PALM2AKAP2: variants seen among roughly 807,000 people sequenced by gnomAD.
PALM2AKAP2 encodes PALM2 and AKAP2 fusion, also known as PALM2-AKAP2 fusion protein.
Under a neutral mutation model 71.5 loss-of-function variants are expected in PALM2AKAP2, and 37 were observed. That is an observed-to-expected ratio of 0.52 (90% CI 0.40 to 0.68). The LOEUF (loss-of-function observed/expected upper bound fraction) is 0.68. PALM2AKAP2 is among the 30% of genes least tolerant of loss of function. The pLI, the probability that PALM2AKAP2 is intolerant of heterozygous loss-of-function variation, is 0.00. For synonymous variants in PALM2AKAP2, 468 were observed against 478.8 expected (o/e 0.98, Z 0.29); for missense variants, 1,224 against 1,191.8 (o/e 1.03, Z -0.40).
chr9:109,765,477 C>G (rs201383584), intron 1 of PALM2AKAP2: 7 of 3,572 alleles, frequency 2.0e-3, no homozygotes, highest in East Asian at 6.0e-3. Flanking sequence ...TGATCATGAT[C>G]ATCATCATCA....
At position 110,088,016 on chromosome 9, in the gene PALM2AKAP2, T is replaced by C. The variant is rs186093254; in HGVS notation, c.156+39161T>C. ...AAAGAGCTGTTCAAATTGTTATCAG[T>C]GGAGGGTGTCCAGGTTCTTGGCATC... On this transcript the variant is annotated intron_variant, in intron 1 of 3. Coordinates refer to ENST00000374525, the Ensembl canonical transcript of PALM2AKAP2. Among the ~76,000 whole-genome samples the C allele has an allele frequency of 2.9e-3, 446 of 152,272 alleles. 8 individuals are homozygous for C. The highest frequency in any genetic ancestry group is 6.8e-4 in the Non-Finnish European group (46 of 68,018).
chr9:109,740,835 G>A (rs1828705856), intron 1 of PALM2AKAP2, among the ~76,000 whole-genome samples: 2 of 152,094 alleles, frequency 1.3e-5, no homozygotes, highest in African/African-American at 2.4e-5. Context: ...GGTATTTTTG[G>A]TAGAGACGGG....
At chr9:110,137,566 C>T (rs1041578779) in exon 2 of PALM2AKAP2, 2 of 1,614,186 alleles carry the variant, frequency 1.2e-6, no homozygotes, top group Non-Finnish European at 1.7e-6. Context: ...CCCGGGCTGT[C>T]CTCACTGTGG....
chr9:110,107,590 AGTG>A (rs1431455385), intron 1 of PALM2AKAP2, among the ~76,000 whole-genome samples: 128 of 152,268 alleles, frequency 8.4e-4, no homozygotes, highest in African/African-American at 3.0e-3. Flanking sequence ...GTGGGGAGAC[AGTG>A]TCTCACTCTG....
intron 1 of PALM2AKAP2, among the ~76,000 whole-genome samples, chr9:110,122,663 T>C (rs7875398): frequency 0.048 from 7,364 of 152,272 alleles, 632 homozygotes; most frequent in African/African-American, 0.17. Flanking sequence ...GTATCAATTG[T>C]CTTTAAACCC....
At chr9:110,025,721 A>G (rs1833167928) in intron 7 of PALM2AKAP2, among the ~76,000 whole-genome samples, 1 of 152,226 alleles carries the variant, frequency 6.6e-6, no homozygotes, top group Non-Finnish European at 1.5e-5. Flanking sequence ...TCTTTTGATT[A>G]TAACCATCCT....
At chr9:109,717,517 G>A (rs1828343285) in intron 1 of PALM2AKAP2, among the ~76,000 whole-genome samples, 1 of 152,216 alleles carries the variant, frequency 6.6e-6, no homozygotes, top group Admixed American at 6.5e-5. Flanking sequence ...AACAGTTGGA[G>A]AGGCAAGACT....
At chr9:110,017,028 A>T (rs547067110) in intron 7 of PALM2AKAP2, among the ~76,000 whole-genome samples, 43 of 152,062 alleles carry the variant, frequency 2.8e-4, no homozygotes, top group African/African-American at 9.4e-4. Context: ...TACAGGCGCC[A>T]GCCACCGTGC....
At chr9:109,786,676 G>A (rs2118840383) in intron 1 of PALM2AKAP2, among the ~76,000 whole-genome samples, 1 of 152,232 alleles carries the variant, frequency 6.6e-6, no homozygotes, top group South Asian at 2.1e-4. Context: ...GCATGCATAA[G>A]GGTCACACAC....
chr9:109,831,201 C>G (rs904057884), intron 1 of PALM2AKAP2, among the ~76,000 whole-genome samples: 15 of 151,350 alleles, frequency 9.9e-5, no homozygotes, highest in African/African-American at 3.6e-4. Flanking sequence ...ATAGGGCACA[C>G]GTATTCTCCC....
intron 1 of PALM2AKAP2, among the ~76,000 whole-genome samples, chr9:109,734,713 A>T (rs951141968): frequency 6.6e-6 from 1 of 152,196 alleles, no homozygotes; most frequent in Non-Finnish European, 1.5e-5. Flanking sequence ...ATGTGTTAGA[A>T]CCAATTAGCT....
chr9:109,819,669 A>C (rs1412924433), intron 1 of PALM2AKAP2, among the ~76,000 whole-genome samples: 3 of 151,634 alleles, frequency 2.0e-5, no homozygotes, highest in Non-Finnish European at 4.4e-5. Flanking sequence ...GAACACACAC[A>C]CACGTAAATA....
In PALM2AKAP2 at chr9:109,880,550, G is replaced by A; in HGVS notation, c.127-1G>A. The A allele has an allele frequency of 6.2e-7, 1 of 1,612,572 alleles. No homozygotes were observed. Among genetic ancestry groups the A allele is most frequent in the Non-Finnish European group, 8.5e-7 (1 of 1,179,924 alleles). ...TCTGTTGTCTTCCCTCACTTCCACA[G>A]TCCAAAGTGCTTCGGGAGAAATGGC... On this transcript the variant is annotated splice_acceptor_variant, in intron 2 of 9. Coordinates refer to the PALM2AKAP2 transcript ENST00000302798. LOFTEE classifies it high-confidence loss of function.
At chr9:109,939,860 G>C (rs994673768) in intron 6 of PALM2AKAP2, among the ~76,000 whole-genome samples, 1 of 152,206 alleles carries the variant, frequency 6.6e-6, no homozygotes, top group Non-Finnish European at 1.5e-5. Context: ...TCTTTATGCT[G>C]AACAAGTGAA....
Position 109,943,564 on chromosome 9 carries a change from C to G in PALM2AKAP2, c.496+11536C>G, listed in dbSNP as rs1831428330. Reference sequence around the variant, plus strand: ...TTGCAGTTGAATTGCTTTGATCTCTCTCATTTTTTTTCCTTTTCCTCACCT... The same window carrying G: ...TTGCAGTTGAATTGCTTTGATCTCTGTCATTTTTTTTCCTTTTCCTCACCT... On this transcript the variant is annotated intron_variant, in intron 6 of 9. Transcript: ENST00000302798. 4 of 1,261,748 alleles carry G rather than the reference C, an allele frequency of 3.2e-6. No homozygotes were observed. The South Asian group carries it at 4.5e-5, about 14-fold the overall frequency. 78.2% of individuals were successfully genotyped at this position (1,261,748 alleles called of 1,614,324 possible). A position where few individuals can be genotyped will look rare whatever the true frequency, so the allele number is the denominator to read the frequency against.
chr9:109,933,695 T>C (rs1324343257), intron 6 of PALM2AKAP2, among the ~76,000 whole-genome samples: 1 of 152,274 alleles, frequency 6.6e-6, no homozygotes, highest in East Asian at 1.9e-4. Flanking sequence ...TTCAAAAGTA[T>C]AATGTGATCA....
rs1835053381 is a variant in PALM2AKAP2, at chr9:110,103,779, G to C, written c.157-32348G>C. Among the ~76,000 whole-genome samples, 3 of 152,284 alleles carry C rather than the reference G, an allele frequency of 2.0e-5. No homozygotes were observed. The South Asian group carries it at 6.2e-4, about 32-fold the overall frequency. ...CCAGGTTTATTTGTGTTTGAGATTT[G>C]AGATGCTATCTGAGGCCAAGACCTC... On this transcript the variant is annotated intron_variant, in intron 1 of 3. Transcript: ENST00000374525.
chr9:109,764,863 C>G (rs553187154), intron 1 of PALM2AKAP2, among the ~76,000 whole-genome samples: 3 of 152,100 alleles, frequency 2.0e-5, no homozygotes, highest in African/African-American at 7.2e-5. Context: ...TCATTTGGAA[C>G]TACAAGGTGA....
At chr9:110,107,740 T>C (rs1209625538) in intron 1 of PALM2AKAP2, among the ~76,000 whole-genome samples, 1 of 152,152 alleles carries the variant, frequency 6.6e-6, no homozygotes, top group Non-Finnish European at 1.5e-5. Context: ...CTAATTTTTG[T>C]ATTTTTAGTA....
Sources: allele counts gnomAD v4.1 joint callset (sites outside exome capture counted in the v4.1 genomes callset), GRCh38; gene constraint gnomAD v4.1.1; transcripts MANE v1.5; gene names NCBI Gene and HGNC (gene_info 2026-07-23, HGNC 2026-07-21).